DNAH8: variants seen among roughly 807,000 people sequenced by gnomAD.
The protein encoded by DNAH8 is axonemal beta dynein heavy chain 8.
A neutral mutation model predicts 562.1 loss-of-function variants in DNAH8; 382 were observed. That is an observed-to-expected ratio of 0.68 (90% CI 0.63 to 0.74). DNAH8 has a LOEUF of 0.74. DNAH8 is among the 30% of genes least tolerant of loss of function. The pLI is 0.00. For missense variants in DNAH8, 5,203 were observed against 5,620.4 expected, an observed-to-expected ratio of 0.93 and a Z score of 2.37; for synonymous variants, 1,881 against 1,919.4, an observed-to-expected ratio of 0.98 and a Z score of 0.52.
At chr6:38,869,243 A>G (rs1258397199) in intron 48 of DNAH8, among the ~76,000 whole-genome samples, 1 of 152,138 alleles carries the variant, frequency 6.6e-6, no homozygotes, top group Non-Finnish European at 1.5e-5. Context: ...TTATTGGGGA[A>G]TGGAGACTAG....
rs754133293 is a variant in DNAH8 at position 38,750,483 on chromosome 6, G to T, written c.1301G>T (p.Arg434Leu). 2.5e-6 allele frequency: 4 copies of T among 1,605,616 alleles called. No individual in the cohort carries two copies. The highest frequency in any genetic ancestry group is 3.4e-6 in the Non-Finnish European group (4 of 1,175,152). ...TATACCTTTTTTTCTTAGAATTGGC[G>T]TGATTTGGATGCAAGAATCACTGAT... ...VAHSKLLKNW[R>L]DLDARITDTA... The change falls in exon 9 of 93, where the codon CGT (arginine) becomes CTT (leucine). Residue 434 changes from arginine to leucine, a missense_variant. Arg to Leu is a moderately radical substitution (Grantham distance 102). Around this residue, in one of 6 missense-constraint regions of DNAH8, gnomAD observed 2,176 missense variants for 2,365.1 expected, o/e 0.92. Transcript: ENST00000327475.
chr6:38,870,507 A>G lies in DNAH8; in HGVS notation c.6935A>G (p.Gln2312Arg), dbSNP rs1777385828. 1.9e-6 allele frequency: 3 copies of G among 1,614,116 alleles called. No individual in the cohort carries two copies. The Middle Eastern group carries it at 4.9e-4, about 266-fold the overall frequency. ...YAELQNAVAH[Q>R]VQIEGLINHP... ...GAACTGCAAAACGCAGTAGCCCATC[A>G]GGTTCAGATAGAGGGTTTGATTAAC... The change falls in exon 49 of 93, where the codon CAG becomes CGG. Residue 2312 changes from glutamine to arginine, a missense_variant. Around this residue, in one of 6 missense-constraint regions of DNAH8, gnomAD observed 2,176 missense variants for 2,365.1 expected, o/e 0.92. Coordinates refer to ENST00000327475, the MANE Select transcript of DNAH8 (RefSeq NM_001206927.2).
intron 53 of DNAH8, among the ~76,000 whole-genome samples, chr6:38,877,240 G>A (rs947113956): frequency 1.3e-5 from 2 of 152,194 alleles, no homozygotes; most frequent in Non-Finnish European, 1.5e-5. Context: ...GCCTTGGTTA[G>A]GGGATTGAGA....
At chr6:39,007,966 T>G (rs946715360) in intron 88 of DNAH8, among the ~76,000 whole-genome samples, 20 of 100,704 alleles carry the variant, frequency 2.0e-4, no homozygotes, top group Middle Eastern at 0.011. Flanking sequence ...CACACACATT[T>G]CTACTCAAAT....
intron 4 of DNAH8, among the ~76,000 whole-genome samples, chr6:38,732,142 T>C (rs1763704446): frequency 6.6e-6 from 1 of 152,260 alleles, no homozygotes; most frequent in African/African-American, 2.4e-5. Flanking sequence ...GACATTTTTC[T>C]GTGTCATTAC....
intron 82 of DNAH8, chr6:38,953,025 A>G (rs1762022855): frequency 6.6e-6 from 1 of 152,050 alleles, no homozygotes; most frequent in Admixed American, 6.5e-5. Context: ...ACACAGGTAT[A>G]TTTTTTCTCT....
At chr6:38,952,698 T>C (rs1762001608) in intron 82 of DNAH8, among the ~76,000 whole-genome samples, 2 of 152,216 alleles carry the variant, frequency 1.3e-5, no homozygotes, top group African/African-American at 4.8e-5. Context: ...TTTCTCATCT[T>C]GACTTCACTC....
rs1767616942 is a variant in DNAH8 at position 39,030,694 on chromosome 6, A to G, written c.*302A>G. On this transcript the variant is annotated 3_prime_UTR_variant, in exon 93 of 93. Transcript: ENST00000327475. ...GGAAGCTCTGAATTTTAAAAATTTG[A>G]AAGTGTTGATATGTGACATCCTAAA... Among the ~76,000 whole-genome samples the G allele has an allele frequency of 6.6e-6, 1 of 152,188 alleles. No homozygotes were observed. The highest frequency in any genetic ancestry group is 2.4e-5 in the African/African-American group (1 of 41,428).
At chr6:38,928,694 C>A (rs760661072) in intron 74 of DNAH8, among the ~76,000 whole-genome samples, 2 of 152,160 alleles carry the variant, frequency 1.3e-5, no homozygotes, top group Non-Finnish European at 2.9e-5. Flanking sequence ...TTCTTCCTTG[C>A]ATCTTATGGT....
chr6:38,913,417 T>G (rs1781057197), intron 66 of DNAH8, among the ~76,000 whole-genome samples: 1 of 152,242 alleles, frequency 6.6e-6, no homozygotes, highest in Non-Finnish European at 1.5e-5. Context: ...ACAGTTATTT[T>G]CATTTTTATA....
chr6:38,823,020 G>A lies in DNAH8; in HGVS notation c.3706G>A (p.Asp1236Asn), dbSNP rs201420305. Residue 1236 changes from aspartate to asparagine, a missense_variant, in exon 27 of 93, where the codon GAT (aspartate) becomes AAT (asparagine). Physicochemically the swap from Asp to Asn is conservative, Grantham distance 23 (BLOSUM62 1). Coordinates refer to ENST00000327475, the MANE Select transcript of DNAH8 (RefSeq NM_001206927.2). The part of the protein sequence containing the change: ...KYKTLWTEDR[D>N]VKVKEFLANN... ...CAAGACTCTCTGGACAGAGGACCGC[G>A]ATGTGAAAGTGAAGGTGTCTTTCTG... 17 of 1,574,572 alleles carry A rather than the reference G, an allele frequency of 1.1e-5. No individual in the cohort carries two copies. In the African/African-American group the frequency reaches 1.5e-4, roughly 14 times the overall value.
intron 65 of DNAH8, 75 bp downstream of exon 65, chr6:38,909,819 C>G (rs1018113411): frequency 8.5e-7 from 1 of 1,182,272 alleles, no homozygotes; most frequent in African/African-American, 1.5e-5. Flanking sequence ...TTGTAACATC[C>G]AGCAGAAGAC....
At chr6:38,911,402 G>A (rs1358660351) in intron 65 of DNAH8, 66 bp from the exon 66 acceptor site, 42 of 1,155,550 alleles carry the variant, frequency 3.6e-5, no homozygotes, top group Admixed American at 6.8e-5. Flanking sequence ...TTCACCTTGG[G>A]AAAGGTGTCG....
At chr6:38,794,154 C>T (rs571689069) in intron 21 of DNAH8, among the ~76,000 whole-genome samples, 3 of 152,242 alleles carry the variant, frequency 2.0e-5, no homozygotes, top group Admixed American at 6.5e-5. Context: ...ATTTGCTCCC[C>T]GCCAGCCCAG....
chr6:38,722,938 A>G lies in DNAH8; in HGVS notation c.129A>G (p.Ala43=), dbSNP rs1463512749. Residue 43 remains alanine, a synonymous_variant, in exon 2 of 93, where the codon GCA becomes GCG. Transcript: ENST00000327475. ...APRPPTVEAP[A]EDGFSPSAED... ...GCCCTCCGACAGTGGAGGCCCCGGC[A>G]GAAGATGGTTTCTCTCCTTCCGCAG... 4.3e-6 allele frequency: 7 copies of G among 1,612,654 alleles called. No homozygotes were observed. Among genetic ancestry groups the G allele is most frequent in the Middle Eastern group, 1.7e-4 (1 of 6,060 alleles).
intron 26 of DNAH8, among the ~76,000 whole-genome samples, chr6:38,816,421 CT>C (rs1483495731): frequency 2.0e-5 from 3 of 152,128 alleles, no homozygotes; most frequent in Non-Finnish European, 4.4e-5. Flanking sequence ...TGAACTCATT[CT>C]TTTTTTATGG....
At chr6:38,750,272 A>G (rs1310808638) in intron 8 of DNAH8, among the ~76,000 whole-genome samples, 1 of 152,254 alleles carries the variant, frequency 6.6e-6, no homozygotes, top group African/African-American at 2.4e-5. Flanking sequence ...TTACAAACAG[A>G]ATGAGTCTTC....
At chr6:38,844,455 CAT>C (rs796452332) in intron 35 of DNAH8, among the ~76,000 whole-genome samples, 27 of 152,328 alleles carry the variant, frequency 1.8e-4, no homozygotes, top group African/African-American at 6.5e-4. Context: ...TTTTTAACAA[CAT>C]GTGTGCACAA....
rs965548096 is a variant in DNAH8, at chr6:38,979,581, T to C, written c.12835-2765T>C. ...CACCCACTAAGATTTTGGGCTTTTTTTCCCAAGATGAGCTAATCAGTTTAT... is the reference window on the plus strand; with the variant it reads ...CACCCACTAAGATTTTGGGCTTTTTCTCCCAAGATGAGCTAATCAGTTTAT... On this transcript the variant is annotated intron_variant, in intron 85 of 92. Transcript: ENST00000327475. Among the ~76,000 whole-genome samples, 8 of 152,316 alleles carry C rather than the reference T, an allele frequency of 5.3e-5. No homozygotes were observed. The Middle Eastern group carries it at 0.01, about 194-fold the overall frequency.
Sources: gnomAD v4.1 joint callset for allele counts (sites outside exome capture counted in the v4.1 genomes callset) on GRCh38, gnomAD v4.1.1 for gene constraint, gnomAD v4.1.1 regional missense constraint, MANE v1.5 for transcripts, NCBI Gene and HGNC (gene_info 2026-07-23, HGNC 2026-07-21) for gene names.